Variants in MARCHF6 observed in about 807,000 individuals in gnomAD.
MARCHF6 encodes membrane associated ring-CH-type finger 6, also known as E3 ubiquitin-protein ligase MARCHF6.
In MARCHF6, 31 loss-of-function variants were observed where a neutral mutation model predicts 133.7. The ratio of observed to expected loss-of-function variants is 0.23; its 90% CI spans 0.17 to 0.31. The LOEUF is 0.31. MARCHF6 is among the 10% of genes least tolerant of loss of function. The pLI is 1.00. For missense variants in MARCHF6, 723 were observed against 1,121.6 expected (o/e 0.64, Z 5.08); for synonymous variants, 395 against 402.5 (o/e 0.98, Z 0.22).
rs1358276917 is a variant in MARCHF6 at position 10,370,193 on chromosome 5, T to C, written c.20-7605T>C. On this transcript the variant is annotated intron_variant, in intron 1 of 25. Transcript: ENST00000274140. ...ATAGCTCGCTATAGCCTCAAGCTCCTGGGCTCAAGCAATCTTTCTGCCTTA... is the reference window on the plus strand; with the variant it reads ...ATAGCTCGCTATAGCCTCAAGCTCCCGGGCTCAAGCAATCTTTCTGCCTTA... Among the ~76,000 whole-genome samples the C allele has an allele frequency of 2.1e-5, 3 of 141,514 alleles. No homozygotes were observed. In the Admixed American group the frequency reaches 2.3e-4, roughly 11 times the overall value. 92.8% of individuals were successfully genotyped at this position (141,514 alleles called of 152,430 possible). A position where few individuals can be genotyped will look rare whatever the true frequency, so the allele number is the denominator to read the frequency against.
chr5:10,390,465 C>G lies in MARCHF6; in HGVS notation c.541C>G (p.Pro181Ala), dbSNP rs765621410. The G allele has an allele frequency of 3.1e-6, 5 of 1,613,754 alleles. No homozygotes were observed. The African/African-American group carries it at 5.3e-5, about 17-fold the overall frequency. Residue 181 changes from proline (P) to alanine (A), a missense_variant, in exon 6 of 26, where the codon CCA becomes GCA. This residue lies in a region of MARCHF6 where 97 missense variants were observed against 115.4 expected (regional missense o/e 0.84). Transcript: ENST00000274140. ...ACCAATTTGGTTGGAGCATGCTGCC[C>G]CACCGTTCAATGCTGCGGGGCATCA... Reference protein sequence around the residue: ...GAPIWLEHAAPPFNAAGHHQN... With the variant: ...GAPIWLEHAAAPFNAAGHHQN...
chr5:10,379,868 A>G (rs1737022976), intron 3 of MARCHF6, among the ~76,000 whole-genome samples: 4 of 152,116 alleles, frequency 2.6e-5, no homozygotes, highest in Admixed American at 6.5e-5. Flanking sequence ...AGCTTCCCAA[A>G]GTGTTGGGAT....
chr5:10,392,530 G>T (rs1737923615), intron 7 of MARCHF6, among the ~76,000 whole-genome samples: 1 of 152,084 alleles, frequency 6.6e-6, no homozygotes, highest in Admixed American at 6.5e-5. Context: ...GAGATGGGTA[G>T]ATCACCTGAG....
intron 1 of MARCHF6, among the ~76,000 whole-genome samples, chr5:10,365,364 G>A (rs1561097642): frequency 6.6e-6 from 1 of 151,864 alleles, no homozygotes; most frequent in East Asian, 1.9e-4. Context: ...ACAATGGCAC[G>A]ATCTTGGCTC....
intron 9 of MARCHF6, among the ~76,000 whole-genome samples, chr5:10,396,921 T>A (rs572444844): frequency 2.6e-5 from 4 of 152,358 alleles, no homozygotes; most frequent in African/African-American, 9.6e-5. Context: ...TAACATGATG[T>A]TTACAATTAA....
At chr5:10,381,667 TA>T (rs759567517) in intron 3 of MARCHF6, 132 bp from the exon 4 acceptor site, 3 of 664,640 alleles carry the variant, frequency 4.5e-6, no homozygotes, top group Non-Finnish European at 4.8e-6. Context: ...CTATTTGGTT[TA>T]TTTTTTTTAA....
intron 1 of MARCHF6, among the ~76,000 whole-genome samples, chr5:10,372,536 C>T (rs1351025363): frequency 6.6e-6 from 1 of 151,494 alleles, no homozygotes; most frequent in African/African-American, 2.4e-5. Context: ...TTTTTTTTCC[C>T]CACTTGAGAC....
chr5:10,362,929 G>A (rs1319296719), intron 1 of MARCHF6, among the ~76,000 whole-genome samples: 1 of 152,086 alleles, frequency 6.6e-6, no homozygotes, highest in Non-Finnish European at 1.5e-5. Context: ...AAAAGCAATT[G>A]CATAAAATAT....
intron 11 of MARCHF6, chr5:10,401,839 A>G: frequency 1.8e-6 from 1 of 546,420 alleles, no homozygotes; most frequent in South Asian, 2.8e-5. Context: ...TCCTTGGGTA[A>G]AGTGTTATTT....
intron 7 of MARCHF6, among the ~76,000 whole-genome samples, chr5:10,392,119 C>T (rs553548350): frequency 8.5e-5 from 13 of 152,106 alleles, no homozygotes; most frequent in South Asian, 2.1e-4. Flanking sequence ...CCACCACGCC[C>T]GGCTAATATT....
chr5:10,393,950 A>AT (rs1200194118), intron 7 of MARCHF6, 132 bp from the exon 8 acceptor site: 3 of 414,798 alleles, frequency 7.2e-6, no homozygotes, highest in Non-Finnish European at 1.3e-5. Context: ...AATACTCAGT[A>AT]TGGAAATGTG....
chr5:10,433,142 G>C (rs183580018), intron 25 of MARCHF6, among the ~76,000 whole-genome samples: 1 of 152,076 alleles, frequency 6.6e-6, no homozygotes, highest in African/African-American at 2.4e-5. Context: ...CACTCGCCTC[G>C]GCCTCCCTAC....
chr5:10,402,726 G>C (rs1487094798), intron 14 of MARCHF6, 119 bp downstream of exon 14: 1 of 925,442 alleles, frequency 1.1e-6, no homozygotes, highest in South Asian at 1.5e-5. Context: ...TATTCTTTTG[G>C]CATGTGTATC....
In MARCHF6 at chr5:10,440,184, C is replaced by G. The variant is rs1740803657; in HGVS notation, c.*6500C>G. On this transcript the variant is annotated 3_prime_UTR_variant, in exon 26 of 26. Coordinates refer to ENST00000274140, the MANE Select transcript of MARCHF6 (RefSeq NM_005885.4). ...ATTACTGTATTCCCAGAACAATTCC[C>G]TGGCAAATATTTGGTACTCAATAGT... 1 of 152,080 alleles carries G rather than the reference C, an allele frequency of 6.6e-6. No homozygotes were observed. The highest frequency in any genetic ancestry group is 2.4e-5 in the African/African-American group (1 of 41,390). 9.4% of individuals were successfully genotyped at this position (152,080 alleles called of 1,614,324 possible).
intron 3 of MARCHF6, among the ~76,000 whole-genome samples, chr5:10,381,145 G>A (rs972059973): frequency 6.6e-6 from 1 of 152,176 alleles, no homozygotes; most frequent in African/African-American, 2.4e-5. Flanking sequence ...ATAATAGGCA[G>A]TGGTTTTTTA....
intron 7 of MARCHF6, among the ~76,000 whole-genome samples, chr5:10,392,467 G>C (rs974985567): frequency 6.6e-6 from 1 of 152,116 alleles, no homozygotes; most frequent in African/African-American, 2.4e-5. Context: ...ATAAATCAAC[G>C]TCTCGTTTTC....
At chr5:10,354,650 C>G (rs1735332986) in intron 1 of MARCHF6, 1 of 152,178 alleles carries the variant, frequency 6.6e-6, no homozygotes, top group Non-Finnish European at 1.5e-5. Flanking sequence ...TCTCTTCAAA[C>G]GCATTTTCTT....
chr5:10,436,859 T>A lies in MARCHF6; in HGVS notation c.*3175T>A, dbSNP rs1740675509. 1 of 152,252 alleles carries A rather than the reference T, an allele frequency of 6.6e-6. No homozygotes were observed. The highest frequency in any genetic ancestry group is 2.4e-5 in the African/African-American group (1 of 41,472). The allele number at this position is 152,252 out of a possible 1,614,324, so 9.4% of individuals were successfully genotyped here. A position where few individuals can be genotyped will look rare whatever the true frequency, so the allele number is the denominator to read the frequency against. ...GAAGATGGGCCATCTCAATTCCAGA[T>A]GTAAACAAAAAGTAATTTTTATTTC... is the stretch of plus-strand genomic sequence containing the variant. On this transcript the variant is annotated 3_prime_UTR_variant, in exon 26 of 26. Coordinates refer to ENST00000274140, the MANE Select transcript of MARCHF6 (RefSeq NM_005885.4).
At chr5:10,424,901 C>T (rs1579618824) in intron 23 of MARCHF6, among the ~76,000 whole-genome samples, 1 of 152,008 alleles carries the variant, frequency 6.6e-6, no homozygotes, top group Non-Finnish European at 1.5e-5. Context: ...CTTTAGCACT[C>T]CGATAATAAG....
Sources: gnomAD v4.1 joint callset for allele counts (sites outside exome capture counted in the v4.1 genomes callset) on GRCh38, gnomAD v4.1.1 for gene constraint, gnomAD v4.1.1 regional missense constraint, MANE v1.5 for transcripts, NCBI Gene and HGNC (gene_info 2026-07-23, HGNC 2026-07-21) for gene names.